Variants in SRR observed in about 807,000 individuals in gnomAD.
SRR encodes D-serine ammonia-lyase.
Under a neutral mutation model 32.7 loss-of-function variants are expected in SRR, and 19 were observed. That is an observed-to-expected ratio of 0.58 (90% CI 0.40 to 0.85). The LOEUF (loss-of-function observed/expected upper bound fraction) is 0.85. Ranked by LOEUF, SRR falls within the 40% of genes least tolerant of loss-of-function variation. The pLI is 0.00. For missense variants in SRR, 373 were observed against 404.7 expected (o/e 0.92, Z 0.67); for synonymous variants, 142 against 140.9 (o/e 1.01, Z -0.06).
intron 1 of SRR, chr17:2,307,032 A>G (rs549956275): frequency 7.5e-7 from 1 of 1,333,248 alleles, no homozygotes; most frequent in Non-Finnish European, 1.1e-6. Context: ...GAGCTGTCTC[A>G]AGAGAAGATT....
intron 2 of SRR, among the ~76,000 whole-genome samples, chr17:2,316,909 T>A: frequency 6.9e-6 from 1 of 144,638 alleles, no homozygotes. Flanking sequence ...GAATTTTTAG[T>A]AGAGACAGGG....
chr17:2,325,238 C>G lies in SRR; in HGVS notation c.*1365C>G, dbSNP rs1037860917. ...CATTTGGCTCCCAAATTTAAATAAACAAGAGAAAACGGTGTTCATCTATTA... is the reference window on the plus strand; with the variant it reads ...CATTTGGCTCCCAAATTTAAATAAAGAAGAGAAAACGGTGTTCATCTATTA... On this transcript the variant is annotated 3_prime_UTR_variant, in exon 8 of 8. Transcript: ENST00000344595. 1 of 1,197,588 alleles carries G rather than the reference C, an allele frequency of 8.4e-7. No individual in the cohort carries two copies. Among genetic ancestry groups the G allele is most frequent in the Admixed American group, 2.4e-5 (1 of 41,858 alleles). 74.2% of individuals were successfully genotyped at this position (1,197,588 alleles called of 1,614,324 possible). A position where few individuals can be genotyped will look rare whatever the true frequency, so the allele number is the denominator to read the frequency against.
rs147659060 is a variant in SRR at position 2,323,149 on chromosome 17, G to A, written c.608G>A (p.Ser203Asn). The A allele has an allele frequency of 5.0e-6, 8 of 1,614,068 alleles. No homozygotes were observed. In the African/African-American group the frequency reaches 6.7e-5, roughly 13 times the overall value. ...TCCTCTTCCCAGGCTCTGAAACCTA[G>A]TGTGAAGGTATATGCTGCTGAACCC... Reference protein sequence around the residue: ...IAITVKALKPSVKVYAAEPSN... With the variant: ...IAITVKALKPNVKVYAAEPSN... The change falls in exon 7 of 8, where the codon AGT becomes AAT. Residue 203 changes from serine to asparagine, a missense_variant. Transcript: ENST00000344595.
rs372421874 is a variant in SRR at position 2,318,893 on chromosome 17, C to T, written c.363C>T (p.Tyr121=). ...PDCKKLAIQA[Y]GASIVYCEPS... ...GTAAAAAACTTGCAATACAAGCCTA[C>T]GGAGCGTCAATTGTATACTGTGAAC... is the stretch of plus-strand genomic sequence containing the variant. The change falls in exon 4 of 8, where the codon TAC becomes TAT. Residue 121 remains tyrosine, a synonymous_variant. Transcript: ENST00000344595. 6.4e-5 allele frequency: 103 copies of T among 1,613,676 alleles called. No homozygotes were observed. In the South Asian group the frequency reaches 8.1e-4, roughly 13 times the overall value.
At chr17:2,307,114 T>G in intron 1 of SRR, 1 of 1,125,726 alleles carries the variant, frequency 8.9e-7, no homozygotes, top group Non-Finnish European at 1.3e-6. Flanking sequence ...CACTGAAGAA[T>G]ATCACCTAAG....
chr17:2,307,279 A>G, intron 1 of SRR: 2 of 1,150,190 alleles, frequency 1.7e-6, no homozygotes, highest in Non-Finnish European at 2.6e-6. Flanking sequence ...GAATGGCCAC[A>G]ACTGTGAAAT....
intron 1 of SRR, chr17:2,306,724 A>G: frequency 1.8e-6 from 1 of 556,470 alleles, no homozygotes. Context: ...CTCAAAAATA[A>G]AACAAAACAA....
rs772215337 is a variant in SRR at position 2,318,001 on chromosome 17, T to C, written c.295+5T>C. 8 of 1,611,588 alleles carry C rather than the reference T, an allele frequency of 5.0e-6. No individual in the cohort carries two copies. Among genetic ancestry groups the C allele is most frequent in the Non-Finnish European group, 6.8e-6 (8 of 1,178,514 alleles). ...CCTATGCTGCCAAATTGGAAGGTACTTGATTTCTCAAGGTACTGGGTAGAT... is the reference window on the plus strand; with the variant it reads ...CCTATGCTGCCAAATTGGAAGGTACCTGATTTCTCAAGGTACTGGGTAGAT... On this transcript the variant is annotated splice_donor_5th_base_variant and intron_variant, in intron 3 of 7. Transcript: ENST00000344595.
chr17:2,306,260 G>C (rs990140994), intron 1 of SRR, among the ~76,000 whole-genome samples: 4 of 151,732 alleles, frequency 2.6e-5, no homozygotes, highest in African/African-American at 4.8e-5. Context: ...AGGTTGCAGC[G>C]AGCCGAGATT....
intron 1 of SRR, among the ~76,000 whole-genome samples, chr17:2,308,421 A>T (rs1308259405): frequency 6.6e-6 from 1 of 152,226 alleles, no homozygotes; most frequent in Non-Finnish European, 1.5e-5. Flanking sequence ...TAAAAAAGGG[A>T]CATCCTCTTG....
intron 1 of SRR, chr17:2,306,770 CAG>C: frequency 1.5e-6 from 1 of 656,118 alleles, no homozygotes; most frequent in South Asian, 1.6e-5. Context: ...AAGTCTAAGT[CAG>C]AGTCTCCTAA....
intron 2 of SRR, among the ~76,000 whole-genome samples, chr17:2,316,387 G>A (rs1254896099): frequency 5.3e-5 from 8 of 152,114 alleles, no homozygotes; most frequent in Admixed American, 4.6e-4. Context: ...TCCAAACTAG[G>A]ACATGTTTGG....
intron 6 of SRR, chr17:2,322,404 G>A (rs1237698417): frequency 6.6e-6 from 1 of 152,210 alleles, no homozygotes; most frequent in Non-Finnish European, 1.5e-5. Flanking sequence ...GCTAGTATCA[G>A]ACATATAATT....
intron 1 of SRR, among the ~76,000 whole-genome samples, chr17:2,311,533 C>G (rs980663567): frequency 5.9e-5 from 9 of 152,036 alleles, no homozygotes; most frequent in African/African-American, 1.9e-4. Flanking sequence ...CCCAGCTACT[C>G]AGGAGGCTGA....
chr17:2,303,470 CGA>C (rs1227950764), upstream of SRR: 11 of 1,319,696 alleles, frequency 8.3e-6, no homozygotes, highest in Non-Finnish European at 1.1e-5. Flanking sequence ...CACTAACCCG[CGA>C]GAGAGGTAGG....
Position 2,321,299 on chromosome 17 carries a change from CT to C in SRR, c.400-4del, listed in dbSNP as rs1266737978. ...AAATCAATTAAGCTAAATTAATGTA[CT>C]TTCAGTCCAGAGAAAATGTTGCAAA... On this transcript the variant is annotated splice_region_variant and splice_polypyrimidine_tract_variant and intron_variant, in intron 4 of 7. Transcript: ENST00000344595. 3.7e-6 allele frequency: 6 copies of C among 1,613,208 alleles called. No individual in the cohort carries two copies. In the African/African-American group the frequency reaches 6.7e-5, roughly 18 times the overall value.
chr17:2,324,954 G>A lies in SRR; in HGVS notation c.*1081G>A. ...CATCCCTGCCCTAGCCCAATCTGAG[G>A]CTAAGATTGGTAAACTGTAAGCCCA... On this transcript the variant is annotated 3_prime_UTR_variant, in exon 8 of 8. Coordinates refer to ENST00000344595, the MANE Select transcript of SRR (RefSeq NM_021947.3). 1 of 1,081,890 alleles carries A rather than the reference G, an allele frequency of 9.2e-7. No homozygotes were observed. Among genetic ancestry groups the A allele is most frequent in the Non-Finnish European group, 1.3e-6 (1 of 776,408 alleles). The allele number at this position is 1,081,890 out of a possible 1,614,324, so 67.0% of individuals were successfully genotyped here.
chr17:2,319,742 C>G (rs949253113), intron 4 of SRR, among the ~76,000 whole-genome samples: 4 of 152,200 alleles, frequency 2.6e-5, no homozygotes, highest in African/African-American at 9.6e-5. Context: ...ACTGGTCTCT[C>G]TGCATCCACC....
At chr17:2,307,138 C>G in intron 1 of SRR, 2 of 1,203,062 alleles carry the variant, frequency 1.7e-6, no homozygotes, top group South Asian at 2.4e-5. Context: ...TTATTTTGAA[C>G]AGTATGGAAA....
Sources: allele counts gnomAD v4.1 joint callset (sites outside exome capture counted in the v4.1 genomes callset), GRCh38; gene constraint gnomAD v4.1.1; transcripts MANE v1.5; gene names NCBI Gene and HGNC (gene_info 2026-07-23, HGNC 2026-07-21).